ARHGAP15: variants seen among roughly 807,000 people sequenced by gnomAD.
The protein encoded by ARHGAP15 is rho GTPase-activating protein 15.
ARHGAP15 carries 51 observed loss-of-function variants against 63.7 expected under a neutral mutation model. The ratio of observed to expected loss-of-function variants is 0.80; its 90% CI spans 0.64 to 1.01. The LOEUF is 1.01. Ranked by LOEUF, ARHGAP15 falls within the 50% of genes least tolerant of loss-of-function variation. The pLI is 0.00. For missense variants in ARHGAP15, 560 were observed against 564.6 expected, an observed-to-expected ratio of 0.99 and a Z score of 0.08; for synonymous variants, 191 against 193.8, an observed-to-expected ratio of 0.99 and a Z score of 0.12.
intron 8 of ARHGAP15, among the ~76,000 whole-genome samples, chr2:143,445,153 A>ATTTTTTTTTTTTTTTTTTTTTTTTTTTT (rs10671306): frequency 1.3e-5 from 1 of 74,458 alleles, no homozygotes; most frequent in Non-Finnish European, 2.3e-5. Context: ...AAGAACAATT[A>ATTTTTTTTTTTTTTTTTTTTTTTTTTTT]TTTTTTTTTT....
At chr2:143,713,123 G>T (rs1559139864) in intron 13 of ARHGAP15, among the ~76,000 whole-genome samples, 1 of 152,166 alleles carries the variant, frequency 6.6e-6, no homozygotes, top group African/African-American at 2.4e-5. Flanking sequence ...CCATTTTCAT[G>T]CTTCTGATAA....
At chr2:143,532,859 TG>T (rs1694578772) in intron 10 of ARHGAP15, among the ~76,000 whole-genome samples, 1 of 152,194 alleles carries the variant, frequency 6.6e-6, no homozygotes, top group South Asian at 2.1e-4. Flanking sequence ...GGCAATGCAT[TG>T]GGTAGAGGAG....
chr2:143,478,893 A>G lies in ARHGAP15; in HGVS notation c.704-8480A>G, dbSNP rs114539637. Among the ~76,000 whole-genome samples, 588 of 152,312 alleles carry G rather than the reference A, an allele frequency of 3.9e-3. 6 individuals carry two copies. The highest frequency in any genetic ancestry group is 0.013 in the African/African-American group (561 of 41,566). On this transcript the variant is annotated intron_variant, in intron 8 of 13. Transcript: ENST00000295095. ...TGTATGTTTTTCTGTCCTGGCTGAA[A>G]ATTTTGTTTGGAAAATTAAGGATAC...
At chr2:143,163,897 C>T (rs1395002893) in intron 2 of ARHGAP15, among the ~76,000 whole-genome samples, 2 of 152,026 alleles carry the variant, frequency 1.3e-5, no homozygotes, top group African/African-American at 4.8e-5. Flanking sequence ...TTGAGAATCA[C>T]ACAATTACTT....
intron 13 of ARHGAP15, among the ~76,000 whole-genome samples, chr2:143,723,331 G>C (rs188164263): frequency 1.3e-5 from 2 of 152,324 alleles, no homozygotes; most frequent in Admixed American, 6.5e-5. Context: ...CTTAGGGATG[G>C]AGGGGCTGAA....
Position 143,293,004 on chromosome 2 carries a change from C to T in ARHGAP15, c.474+42404C>T, listed in dbSNP as rs540969891. On this transcript the variant is annotated intron_variant, in intron 6 of 13. Transcript: ENST00000295095. ...CTTTTCCTTTAGCACTTAGATTTCA[C>T]TTAGCTTATCATACATAAATATAAA... Among the ~76,000 whole-genome samples the T allele has an allele frequency of 5.9e-5, 9 of 152,104 alleles. No individual in the cohort carries two copies. In the South Asian group the frequency reaches 1.2e-3, roughly 21 times the overall value.
At chr2:143,418,750 C>G (rs942669250) in intron 6 of ARHGAP15, among the ~76,000 whole-genome samples, 1 of 152,078 alleles carries the variant, frequency 6.6e-6, no homozygotes, top group African/African-American at 2.4e-5. Flanking sequence ...ATTGCAGGGG[C>G]CCATTAATAT....
intron 6 of ARHGAP15, among the ~76,000 whole-genome samples, chr2:143,393,751 AAAAGT>A (rs1687641422): frequency 6.6e-6 from 1 of 151,406 alleles, no homozygotes; most frequent in African/African-American, 2.4e-5. Flanking sequence ...AAAAAAAAAA[AAAAGT>A]GAAATTTGGA....
At chr2:143,270,577 AT>A (rs1238594820) in intron 6 of ARHGAP15, among the ~76,000 whole-genome samples, 3 of 152,280 alleles carry the variant, frequency 2.0e-5, no homozygotes, top group Admixed American at 6.5e-5. Context: ...TGCTCTTCTA[AT>A]GTTTCGTGAT....
intron 13 of ARHGAP15, among the ~76,000 whole-genome samples, chr2:143,724,855 T>A (rs1420696072): frequency 1.3e-5 from 2 of 152,156 alleles, no homozygotes; most frequent in African/African-American, 4.8e-5. Flanking sequence ...AAGAGCATCA[T>A]CAAATAGTAA....
intron 6 of ARHGAP15, among the ~76,000 whole-genome samples, chr2:143,376,122 T>A (rs1405020511): frequency 2.0e-5 from 3 of 152,200 alleles, no homozygotes; most frequent in Non-Finnish European, 4.4e-5. Context: ...ATTCTCAACA[T>A]TACAGATATA....
At chr2:143,374,623 C>T (rs923732368) in intron 6 of ARHGAP15, among the ~76,000 whole-genome samples, 1 of 152,056 alleles carries the variant, frequency 6.6e-6, no homozygotes, top group Admixed American at 6.6e-5. Flanking sequence ...CTGCCTCAGC[C>T]CCCTAAGTAG....
At chr2:143,737,921 T>C (rs1685814701) in intron 13 of ARHGAP15, among the ~76,000 whole-genome samples, 1 of 152,006 alleles carries the variant, frequency 6.6e-6, no homozygotes, top group African/African-American at 2.4e-5. Flanking sequence ...CACACCCGGC[T>C]AAATTTTTGT....
At chr2:143,261,798 A>C (rs1015839993) in intron 6 of ARHGAP15, among the ~76,000 whole-genome samples, 2 of 152,204 alleles carry the variant, frequency 1.3e-5, no homozygotes, top group African/African-American at 4.8e-5. Flanking sequence ...AAGAAAGCAG[A>C]AATTAAGAAC....
At chr2:143,301,563 G>A (rs1025902386) in intron 6 of ARHGAP15, among the ~76,000 whole-genome samples, 1 of 151,858 alleles carries the variant, frequency 6.6e-6, no homozygotes, top group Non-Finnish European at 1.5e-5. Context: ...TATCTTCATA[G>A]AGTTTATGAT....
chr2:143,327,623 A>T (rs1329167131), intron 6 of ARHGAP15, among the ~76,000 whole-genome samples: 1 of 152,180 alleles, frequency 6.6e-6, no homozygotes. Context: ...TGGATTAAAG[A>T]CTTAACATAA....
chr2:143,577,215 C>T (rs528250841), intron 11 of ARHGAP15, among the ~76,000 whole-genome samples: 1 of 152,228 alleles, frequency 6.6e-6, no homozygotes, highest in African/African-American at 2.4e-5. Context: ...CATCTGTTGA[C>T]TTTGAACACA....
At chr2:143,488,504 T>C (rs1340996809) in intron 9 of ARHGAP15, among the ~76,000 whole-genome samples, 1 of 152,230 alleles carries the variant, frequency 6.6e-6, no homozygotes, top group Non-Finnish European at 1.5e-5. Flanking sequence ...TTCTAGCTTA[T>C]GTGTACATTT....
intron 11 of ARHGAP15, among the ~76,000 whole-genome samples, chr2:143,603,177 C>A (rs1395127329): frequency 6.6e-6 from 1 of 152,174 alleles, no homozygotes; most frequent in Non-Finnish European, 1.5e-5. Context: ...TGGCCCTGGA[C>A]CTCCTTGAGT....
Sources: gnomAD v4.1 joint callset for allele counts (sites outside exome capture counted in the v4.1 genomes callset) on GRCh38, gnomAD v4.1.1 for gene constraint, MANE v1.5 for transcripts, NCBI Gene and HGNC (gene_info 2026-07-23, HGNC 2026-07-21) for gene names.